Variants in PRIM2 observed in about 807,000 individuals in gnomAD.
PRIM2 encodes the protein DNA primase subunit 2.
Under a neutral mutation model 67.3 loss-of-function variants are expected in PRIM2, and 39 were observed. The observed-to-expected ratio is 0.58, with a 90% CI of 0.45 to 0.76. The LOEUF (loss-of-function observed/expected upper bound fraction) is 0.76, where lower values mean the gene tolerates loss of function less well. PRIM2 is among the 30% of genes least tolerant of loss of function. The pLI, the probability that PRIM2 is intolerant of heterozygous loss-of-function variation, is 0.00. For synonymous variants in PRIM2, 143 were observed against 198.7 expected (o/e 0.72, Z 2.36); for missense variants, 398 against 598.7 (o/e 0.66, Z 3.50).
chr6:57,549,646 A>C (rs1775360823), intron 10 of PRIM2, among the ~76,000 whole-genome samples: 1 of 152,202 alleles, frequency 6.6e-6, no homozygotes, highest in Admixed American at 6.5e-5. Flanking sequence ...TATATCATTC[A>C]CATTTTCTCA....
At chr6:57,475,757 T>C (rs1485554163) in intron 7 of PRIM2, among the ~76,000 whole-genome samples, 2 of 152,252 alleles carry the variant, frequency 1.3e-5, no homozygotes, top group African/African-American at 2.4e-5. Context: ...ATTCATTCTT[T>C]TGCACATTTA....
chr6:57,412,635 G>A (rs1323829087), intron 7 of PRIM2, among the ~76,000 whole-genome samples: 1 of 151,882 alleles, frequency 6.6e-6, no homozygotes, highest in Non-Finnish European at 1.5e-5. Flanking sequence ...TAACATGATG[G>A]GTAAAAGTAG....
the PRIM2 span, among the ~76,000 whole-genome samples, chr6:57,297,308 G>T: frequency 6.6e-6 from 1 of 152,126 alleles, no homozygotes; most frequent in Admixed American, 6.5e-5. Context: ...CGGGCATGGT[G>T]GCGGGTGCCT....
chr6:57,251,652 A>G, the PRIM2 span, among the ~76,000 whole-genome samples: 3 of 152,220 alleles, frequency 2.0e-5, no homozygotes, highest in Admixed American at 2.0e-4. Context: ...GGCCATTTAT[A>G]CAGAAGGGGA....
the PRIM2 span, among the ~76,000 whole-genome samples, chr6:57,252,229 T>G: frequency 1.3e-5 from 2 of 152,234 alleles, no homozygotes; most frequent in Non-Finnish European, 2.9e-5. Flanking sequence ...CCTTAATTGG[T>G]CTACAGAATG....
intron 10 of PRIM2, among the ~76,000 whole-genome samples, chr6:57,588,651 A>C (rs1776235900): frequency 1.3e-5 from 2 of 151,942 alleles, no homozygotes; most frequent in African/African-American, 2.4e-5. Flanking sequence ...TGAGTTAAAA[A>C]TTTCAGGTTT....
intron 7 of PRIM2, among the ~76,000 whole-genome samples, chr6:57,453,049 TC>T (rs1447483324): frequency 4.6e-5 from 7 of 152,214 alleles, no homozygotes; most frequent in Non-Finnish European, 1.0e-4. Context: ...GGGAATCCTT[TC>T]CCCATTTCTT....
intron 8 of PRIM2, among the ~76,000 whole-genome samples, chr6:57,508,960 T>C (rs1554347466): frequency 9.2e-5 from 14 of 152,370 alleles, no homozygotes; most frequent in Admixed American, 6.5e-4. Flanking sequence ...CAAGCACCAA[T>C]AGTGTTTTCC....
At chr6:57,556,493 C>T (rs1346173664) in intron 10 of PRIM2, among the ~76,000 whole-genome samples, 12 of 152,186 alleles carry the variant, frequency 7.9e-5, no homozygotes, top group African/African-American at 1.9e-4. Flanking sequence ...TGCACACCTA[C>T]GACCATCTGA....
intron 5 of PRIM2, among the ~76,000 whole-genome samples, chr6:57,335,188 C>T (rs532840157): frequency 6.6e-6 from 1 of 152,372 alleles, no homozygotes; most frequent in African/African-American, 2.4e-5. Flanking sequence ...AGATTATATC[C>T]CGCACCTGGC....
At chr6:57,336,138 G>A (rs1768237943) in intron 5 of PRIM2, among the ~76,000 whole-genome samples, 1 of 152,176 alleles carries the variant, frequency 6.6e-6, no homozygotes, top group Non-Finnish European at 1.5e-5. Context: ...ATGAAATGAA[G>A]CGAGAAGGGA....
the PRIM2 span, among the ~76,000 whole-genome samples, chr6:57,305,646 T>C: frequency 2.0e-5 from 3 of 152,240 alleles, no homozygotes; most frequent in Non-Finnish European, 4.4e-5. Flanking sequence ...GTAGTTTCTT[T>C]GTTACTTAGA....
chr6:57,408,886 A>AT (rs1485136187), intron 7 of PRIM2, among the ~76,000 whole-genome samples: 1 of 152,008 alleles, frequency 6.6e-6, no homozygotes, highest in African/African-American at 2.4e-5. Flanking sequence ...AATTTGTAAA[A>AT]TTTTTTGTAG....
At chr6:57,500,096 T>A (rs2127457161) in intron 7 of PRIM2, among the ~76,000 whole-genome samples, 1 of 152,340 alleles carries the variant, frequency 6.6e-6, no homozygotes, top group East Asian at 1.9e-4. Flanking sequence ...CCTATCTGCA[T>A]GTCCTCTCCA....
the PRIM2 span, among the ~76,000 whole-genome samples, chr6:57,270,234 T>G: frequency 2.0e-5 from 3 of 152,052 alleles, no homozygotes; most frequent in Admixed American, 6.6e-5. Flanking sequence ...TATGGCCATT[T>G]TCATGATATT....
chr6:57,482,462 G>A (rs1773651452), intron 7 of PRIM2, among the ~76,000 whole-genome samples: 2 of 152,176 alleles, frequency 1.3e-5, no homozygotes, highest in South Asian at 2.1e-4. Flanking sequence ...GACATCCTAT[G>A]GAAGACTGAG....
rs1357800988 is a variant in PRIM2, at chr6:57,335,517, G to A, written c.459+9472G>A. 9.8e-5 allele frequency among the ~76,000 whole-genome samples: 15 copies of A among 152,318 alleles called. No homozygotes were observed. In the East Asian group the frequency reaches 2.9e-3, roughly 29 times the overall value. On this transcript the variant is annotated intron_variant, in intron 5 of 13. Transcript: ENST00000615550. ...TCCCAGCACCCAGCTGGAGATCTGAGAATGGGCAGACTGCCTCCTCAAGTG... is the reference window on the plus strand; with the variant it reads ...TCCCAGCACCCAGCTGGAGATCTGAAAATGGGCAGACTGCCTCCTCAAGTG...
At chr6:57,277,679 A>G in the PRIM2 span, among the ~76,000 whole-genome samples, 2 of 152,052 alleles carry the variant, frequency 1.3e-5, no homozygotes, top group African/African-American at 4.8e-5. Flanking sequence ...TCAGTTCATT[A>G]GCATAGATTA....
the PRIM2 span, among the ~76,000 whole-genome samples, chr6:57,241,831 C>T: frequency 7.3e-5 from 11 of 150,950 alleles, no homozygotes; most frequent in Non-Finnish European, 1.3e-4. Context: ...CGCCACCACG[C>T]CTGGCTAATT....
Sources: allele counts gnomAD v4.1 joint callset (sites outside exome capture counted in the v4.1 genomes callset), GRCh38; gene constraint gnomAD v4.1.1; transcripts MANE v1.5; gene names NCBI Gene and HGNC (gene_info 2026-07-23, HGNC 2026-07-21).